Variants in C1orf35 observed in about 807,000 individuals in gnomAD.
C1orf35 encodes chromosome 1 open reading frame 35, also known as multiple myeloma tumor-associated protein 2.
C1orf35 carries 36 observed loss-of-function variants against 30.9 expected under a neutral mutation model. The observed-to-expected ratio is 1.16, with a 90% CI of 0.89 to 1.54. The LOEUF (loss-of-function observed/expected upper bound fraction) is 1.54. Ranked by LOEUF, C1orf35 falls within the 40% of genes most tolerant of loss-of-function variation. C1orf35 has a pLI of 0.00. For synonymous variants in C1orf35, 179 were observed against 148.2 expected, an observed-to-expected ratio of 1.21 and a Z score of -1.51; for missense variants, 396 against 358.7, an observed-to-expected ratio of 1.10 and a Z score of -0.84.
Position 228,102,482 on chromosome 1 carries a change from C to G in C1orf35, c.370G>C (p.Ala124Pro). 4 of 1,558,204 alleles carry G rather than the reference C, an allele frequency of 2.6e-6. No homozygotes were observed. Among genetic ancestry groups the G allele is most frequent in the Non-Finnish European group, 3.5e-6 (4 of 1,155,606 alleles). The change falls in exon 4 of 8, where the codon GCA becomes CCA. Residue 124 changes from alanine (A) to proline (P), a missense_variant. Ala to Pro is a conservative substitution (Grantham distance 27, BLOSUM62 -1). Transcript: ENST00000272139. ...GVDRLLGLGS[A>P]SGSVGRVAMS... is the part of the protein sequence containing the mutation. ...CCCCTGGAAACCCGCCCGCACCTTG[C>G]GCTCCCCAGCCCCAGCAGCCGGTCC...
intron 6 of C1orf35, chr1:228,101,863 G>T: frequency 7.1e-7 from 1 of 1,416,898 alleles, no homozygotes; most frequent in Non-Finnish European, 9.2e-7. Context: ...CACAGCGCCC[G>T]ACCACTGCCA....
chr1:228,100,772 T>C lies in C1orf35; in HGVS notation c.*359A>G. ...TTTATTGAAATACAAAGAGTCAATA[T>C]AAAGAAAAATAGAGGTCACCATACT... On this transcript the variant is annotated 3_prime_UTR_variant, in exon 8 of 8. Coordinates refer to ENST00000272139, the MANE Select transcript of C1orf35 (RefSeq NM_024319.4). The C allele has an allele frequency of 4.4e-6, 1 of 229,808 alleles. No individual in the cohort carries two copies. Among genetic ancestry groups the C allele is most frequent in the Non-Finnish European group, 8.6e-6 (1 of 116,550 alleles). The allele number at this position is 229,808 out of a possible 1,614,324, so 14.2% of individuals were successfully genotyped here.
Position 228,102,102 on chromosome 1 carries a change from C to CCG in C1orf35, c.510_511insCG (p.Ala171ArgfsTer107), listed in dbSNP as rs2032982972. The CCG allele has an allele frequency of 6.3e-7, 1 of 1,582,750 alleles. No individual in the cohort carries two copies. The highest frequency in any genetic ancestry group is 1.3e-5 in the African/African-American group (1 of 74,504). Reference sequence around the variant, plus strand: ...CACCTGCTTTCCGTCTGATCCTCCGCCCGCGGCTTCCTCCTGGCCGAGGCT... The same window carrying CCG: ...CACCTGCTTTCCGTCTGATCCTCCGCCGCCGCGGCTTCCTCCTGGCCGAGGCT... On this transcript the variant is annotated frameshift_variant, in exon 6 of 8. Transcript: ENST00000272139. LOFTEE classifies it high-confidence loss of function.
In C1orf35 at chr1:228,102,105, G is replaced by A. The variant is rs373337967; in HGVS notation, c.508C>T (p.Arg170Trp). 1 of 1,583,592 alleles carries A rather than the reference G, an allele frequency of 6.3e-7. No individual in the cohort carries two copies. Residue 170 changes from arginine (R) to tryptophan (W), a missense_variant, in exon 6 of 8, where the codon CGG becomes TGG. Transcript: ENST00000272139. ...CTGCTTTCCGTCTGATCCTCCGCCC[G>A]CGGCTTCCTCCTGGCCGAGGCTGCC... ...TSAASARRKP[R>W]AEDQTESSCE...
At position 228,101,345 on chromosome 1, in the gene C1orf35, G is replaced by A; in HGVS notation, c.662C>T (p.Pro221Leu). 1 of 1,614,168 alleles carries A rather than the reference G, an allele frequency of 6.2e-7. No homozygotes were observed. The highest frequency in any genetic ancestry group is 8.5e-7 in the Non-Finnish European group (1 of 1,180,034). The change falls in exon 7 of 8, where the codon CCT (proline) becomes CTT (leucine). Residue 221 changes from proline (P) to leucine (L), a missense_variant. By Grantham distance (98) the Pro-to-Leu change is moderately conservative. Transcript: ENST00000272139. ...GATATGGACCAGGGCATACCTCTCAGGAGATGTGGGAGAGGAGGTGGCCTC... is the reference window on the plus strand; with the variant it reads ...GATATGGACCAGGGCATACCTCTCAAGAGATGTGGGAGAGGAGGTGGCCTC... ...PAEATSSPTS[P>L]ERPRHHHHDS... is the part of the protein sequence containing the mutation.
chr1:228,101,333 G>A lies in C1orf35; in HGVS notation c.668+6C>T, dbSNP rs1422870364. The A allele has an allele frequency of 6.2e-7, 1 of 1,614,186 alleles. No homozygotes were observed. Among genetic ancestry groups the A allele is most frequent in the East Asian group, 2.2e-5 (1 of 44,882 alleles). ...CCCCAAGAGGCAGATATGGACCAGG[G>A]CATACCTCTCAGGAGATGTGGGAGA... is the stretch of plus-strand genomic sequence containing the variant. On this transcript the variant is annotated splice_donor_region_variant and intron_variant, in intron 7 of 7. Coordinates refer to ENST00000272139, the MANE Select transcript of C1orf35 (RefSeq NM_024319.4).
At chr1:228,101,706 G>A (rs568551407) in intron 6 of C1orf35, 21 of 1,419,642 alleles carry the variant, frequency 1.5e-5, no homozygotes, top group South Asian at 1.2e-4. Flanking sequence ...CACCCCAGCC[G>A]TGCCCTTGGC....
intron 1 of C1orf35, 21 bp from the exon 2 acceptor site, chr1:228,103,070 A>T: frequency 6.2e-7 from 1 of 1,604,734 alleles, no homozygotes. Context: ...AGACGCTGTG[A>T]GTCCAGCGCC....
intron 6 of C1orf35, chr1:228,101,864 A>G: frequency 7.1e-7 from 1 of 1,415,718 alleles, no homozygotes; most frequent in East Asian, 2.6e-5. Flanking sequence ...ACAGCGCCCG[A>G]CCACTGCCAG....
At position 228,103,086 on chromosome 1, in the gene C1orf35, G is replaced by GGGATCCC. The variant is rs775201592; in HGVS notation, c.94+41_95-38dup. On this transcript the variant is annotated intron_variant, in intron 1 of 7. Coordinates refer to ENST00000272139, the MANE Select transcript of C1orf35 (RefSeq NM_024319.4). ...GACGCTGTGAGTCCAGCGCCCGCCC[G>GGGATCCC]GGATCCCGGAGCCCGGAGCCCGGAG... The GGGATCCC allele has an allele frequency of 4.4e-5, 71 of 1,604,846 alleles. No homozygotes were observed. The Admixed American group carries it at 8.9e-4, about 20-fold the overall frequency.
chr1:228,101,428 T>A lies in C1orf35; in HGVS notation c.579A>T (p.Lys193Asn). The change falls in exon 7 of 8, where the codon AAA (lysine) becomes AAT (asparagine). Residue 193 changes from lysine to asparagine, a missense_variant. Physicochemically the swap from Lys to Asn is moderately conservative, Grantham distance 94. Transcript: ENST00000272139. ...RKSKKEKKKK[K>N]KRKHKKEKKK... ...TCTTCTCTTTCTTGTGTTTCCTCTTTTTCTTTTTCTTCTTCTCCTTCTTGC... is the reference window on the plus strand; with the variant it reads ...TCTTCTCTTTCTTGTGTTTCCTCTTATTCTTTTTCTTCTTCTCCTTCTTGC... 2 of 1,613,280 alleles carry A rather than the reference T, an allele frequency of 1.2e-6. No homozygotes were observed. Among genetic ancestry groups the A allele is most frequent in the Non-Finnish European group, 1.7e-6 (2 of 1,179,442 alleles).
intron 1 of C1orf35, 23 bp from the exon 2 acceptor site, chr1:228,103,072 T>C (rs927808985): frequency 1.2e-6 from 2 of 1,605,182 alleles, no homozygotes; most frequent in Non-Finnish European, 1.7e-6. Context: ...ACGCTGTGAG[T>C]CCAGCGCCCG....
rs746438370 is a variant in C1orf35 at position 228,101,120 on chromosome 1, G to A, written c.*11C>T. 6.2e-6 allele frequency: 10 copies of A among 1,611,906 alleles called. No homozygotes were observed. Among genetic ancestry groups the A allele is most frequent in the East Asian group, 2.2e-5 (1 of 44,890 alleles). ...CAGGGTCCCACAACAGCAGTGAGCAGGGTCCAGCCATCAGGCCTCAGAGCC... is the reference window on the plus strand; with the variant it reads ...CAGGGTCCCACAACAGCAGTGAGCAAGGTCCAGCCATCAGGCCTCAGAGCC... On this transcript the variant is annotated 3_prime_UTR_variant, in exon 8 of 8. Transcript: ENST00000272139.
At position 228,102,690 on chromosome 1, in the gene C1orf35, T is replaced by G. The variant is rs756738418; in HGVS notation, c.246-2A>C. The G allele has an allele frequency of 6.2e-7, 1 of 1,606,418 alleles. No homozygotes were observed. The highest frequency in any genetic ancestry group is 8.5e-7 in the Non-Finnish European group (1 of 1,176,670). ...TGCTTCTTCACGTTCTTGTAGCCAC[T>G]GCGAGAGGGCCGGGGCAGGCGTCAG... is the stretch of plus-strand genomic sequence containing the variant. On this transcript the variant is annotated splice_acceptor_variant, in intron 2 of 7. Coordinates refer to ENST00000272139, the MANE Select transcript of C1orf35 (RefSeq NM_024319.4). LOFTEE classifies it high-confidence loss of function.
At chr1:228,102,000 C>T (rs1332685683) in intron 6 of C1orf35, 80 bp downstream of exon 6, 13 of 1,436,508 alleles carry the variant, frequency 9.0e-6, no homozygotes, top group Non-Finnish European at 1.2e-5. Flanking sequence ...GAAGCTGCCA[C>T]CTGCCCGAGT....
In C1orf35 at chr1:228,102,557, A is replaced by T. The variant is rs2033000734; in HGVS notation, c.295T>A (p.Phe99Ile). The T allele has an allele frequency of 6.4e-7, 1 of 1,563,026 alleles. No homozygotes were observed. The highest frequency in any genetic ancestry group is 8.6e-7 in the Non-Finnish European group (1 of 1,157,608). Residue 99 changes from phenylalanine (F) to isoleucine (I), a missense_variant, in exon 4 of 8, where the codon TTC (phenylalanine) becomes ATC (isoleucine). Physicochemically the swap from Phe to Ile is conservative, Grantham distance 21. Transcript: ENST00000272139. ...CCTTCCCGCTTGCAGACCTCCGCGA[A>T]GTCCTGCAGGTGCGAGAGCACAGGG... ...KQPTGLSKED[F>I]AEVCKREGGD...
chr1:228,101,142 A>G lies in C1orf35; in HGVS notation c.781T>C (p.Ser261Pro). 6.2e-7 allele frequency: 1 copy of G among 1,613,540 alleles called. No homozygotes were observed. The highest frequency in any genetic ancestry group is 8.5e-7 in the Non-Finnish European group (1 of 1,180,018). ...SPSRRWHDRG[S>P]EA Reference sequence around the variant, plus strand: ...GCAGGGTCCAGCCATCAGGCCTCAGAGCCTCTGTCATGCCACCTGCGAGAC... The same window carrying G: ...GCAGGGTCCAGCCATCAGGCCTCAGGGCCTCTGTCATGCCACCTGCGAGAC... The change falls in exon 8 of 8, where the codon TCT becomes CCT. Residue 261 changes from serine (S) to proline (P), a missense_variant. Coordinates refer to ENST00000272139, the MANE Select transcript of C1orf35 (RefSeq NM_024319.4).
chr1:228,101,309 C>A (rs2032939314), intron 7 of C1orf35, 30 bp downstream of exon 7: 1 of 1,614,176 alleles, frequency 6.2e-7, no homozygotes, highest in East Asian at 2.2e-5. Flanking sequence ...GGCCCCCACC[C>A]CCAAGAGGCA....
rs1453737252 is a variant in C1orf35, at chr1:228,103,303, C to A, written c.-76G>T. ...GCAACCCGAGACCCGCTACCCACTA[C>A]CGTCGGACCCAGGCCCGACCCCGCC... On this transcript the variant is annotated 5_prime_UTR_variant, in exon 1 of 8. Coordinates refer to ENST00000272139, the MANE Select transcript of C1orf35 (RefSeq NM_024319.4). The A allele has an allele frequency of 6.5e-7, 1 of 1,532,894 alleles. No homozygotes were observed. Among genetic ancestry groups the A allele is most frequent in the Admixed American group, 1.9e-5 (1 of 52,570 alleles). The allele number at this position is 1,532,894 out of a possible 1,614,324, so 95.0% of individuals were successfully genotyped here. A position where few individuals can be genotyped will look rare whatever the true frequency, so the allele number is the denominator to read the frequency against.
Sources: gnomAD v4.1 joint callset for allele counts on GRCh38, gnomAD v4.1.1 for gene constraint, MANE v1.5 for transcripts, NCBI Gene and HGNC (gene_info 2026-07-23, HGNC 2026-07-21) for gene names.